Variants in DAO observed in about 807,000 individuals in gnomAD.
The protein encoded by DAO is D-amino-acid oxidase.
In DAO, 51 loss-of-function variants were observed where a neutral mutation model predicts 50.1. The ratio of observed to expected loss-of-function variants is 1.02; its 90% CI spans 0.81 to 1.29. The LOEUF (loss-of-function observed/expected upper bound fraction) is 1.29, where lower values mean the gene tolerates loss of function less well. Ranked by LOEUF, DAO falls within the 50% of genes most tolerant of loss-of-function variation. DAO has a pLI of 0.00. For missense variants in DAO, 436 were observed against 439.4 expected (o/e 0.99, Z 0.07); for synonymous variants, 160 against 166.2 (o/e 0.96, Z 0.29).
Position 108,900,560 on chromosome 12 carries a change from C to G in DAO, c.*25C>G. 7 of 1,612,982 alleles carry G rather than the reference C, an allele frequency of 4.3e-6. No homozygotes were observed. Among genetic ancestry groups the G allele is most frequent in the Non-Finnish European group, 5.9e-6 (7 of 1,179,440 alleles). ...AAGACTCCAGTGACTGCTGCCTCCC[C>G]CCACAAGAACTCCCTTCTCCCCTCA... On this transcript the variant is annotated 3_prime_UTR_variant, in exon 11 of 11. Coordinates refer to ENST00000228476, the MANE Select transcript of DAO (RefSeq NM_001917.5).
intron 8 of DAO, 198 bp from the exon 9 acceptor site, chr12:108,898,481 A>G: frequency 3.2e-6 from 2 of 629,810 alleles, no homozygotes; most frequent in Admixed American, 2.2e-5. Flanking sequence ...AGCAAAGACA[A>G]TGTTGTTGAT....
intron 1 of DAO, among the ~76,000 whole-genome samples, chr12:108,881,619 T>C (rs1027150710): frequency 8.6e-5 from 13 of 150,372 alleles, no homozygotes; most frequent in Non-Finnish European, 1.6e-4. Flanking sequence ...TTTTTTTTTT[T>C]TTTTGACAGA....
intron 8 of DAO, 88 bp from the exon 9 acceptor site, chr12:108,898,588 TAGC>T (rs2039587353): frequency 1.2e-6 from 1 of 869,450 alleles, no homozygotes. Flanking sequence ...GTGGTGGTGT[TAGC>T]AGAGGTGACA....
In DAO at chr12:108,880,226, T is replaced by G. The variant is rs770789581; in HGVS notation, c.-10+2T>G. On this transcript the variant is annotated splice_donor_variant, in intron 1 of 10. Coordinates refer to ENST00000228476, the MANE Select transcript of DAO (RefSeq NM_001917.5). LOFTEE classifies it low-confidence loss of function (5UTR_SPLICE). ...CTCTCCAGCAGTTTGGTACTTCCGG[T>G]GAGTGGCAGATGCACCTTTGAGCTG... 9.2e-6 allele frequency: 4 copies of G among 433,604 alleles called. No homozygotes were observed. The highest frequency in any genetic ancestry group is 1.9e-5 in the Non-Finnish European group (4 of 212,986). The allele number at this position is 433,604 out of a possible 1,614,324, so 26.9% of individuals were successfully genotyped here. A position where few individuals can be genotyped will look rare whatever the true frequency, so the allele number is the denominator to read the frequency against.
chr12:108,886,062 T>C (rs1158040800), intron 2 of DAO, among the ~76,000 whole-genome samples: 1 of 151,996 alleles, frequency 6.6e-6, no homozygotes, highest in South Asian at 2.1e-4. Context: ...AAATTTTATC[T>C]TTTTAAATAG....
chr12:108,883,677 G>A (rs1289283533), intron 1 of DAO: 1 of 456,492 alleles, frequency 2.2e-6, no homozygotes. Flanking sequence ...TGGGGGAAGA[G>A]GGAAGAGAGA....
chr12:108,880,639 C>G (rs1401361626), intron 1 of DAO, among the ~76,000 whole-genome samples: 1,759 of 152,136 alleles, frequency 0.012, 31 homozygotes, highest in African/African-American at 0.041. Context: ...CAAATAACTT[C>G]ATGAGAAGTA....
At chr12:108,888,951 T>C (rs931563598) in intron 3 of DAO, among the ~76,000 whole-genome samples, 2 of 152,232 alleles carry the variant, frequency 1.3e-5, no homozygotes, top group African/African-American at 2.4e-5. Flanking sequence ...AGACAAGTTA[T>C]TTAATCTTTC....
At chr12:108,885,752 T>C (rs1171848676) in intron 2 of DAO, among the ~76,000 whole-genome samples, 3 of 152,196 alleles carry the variant, frequency 2.0e-5, no homozygotes, top group African/African-American at 7.2e-5. Flanking sequence ...TTTTAATTTA[T>C]ACATTTTTAT....
intron 4 of DAO, 92 bp downstream of exon 4, chr12:108,889,637 C>A: frequency 1.0e-6 from 1 of 997,414 alleles, no homozygotes; most frequent in Non-Finnish European, 1.6e-6. Context: ...ACCAGATTTC[C>A]TGTCCTACCC....
chr12:108,898,272 G>A lies in DAO; in HGVS notation c.696-407G>A, dbSNP rs576276873. ...AGTGGGGATGGTAGCTGGTGCTGAT[G>A]GAAATGACACTATCAATGATGTTAA... On this transcript the variant is annotated intron_variant, in intron 8 of 10. Coordinates refer to ENST00000228476, the MANE Select transcript of DAO (RefSeq NM_001917.5). 1.2e-4 allele frequency among the ~76,000 whole-genome samples: 19 copies of A among 152,232 alleles called. No homozygotes were observed. In the South Asian group the frequency reaches 3.7e-3, roughly 30 times the overall value.
chr12:108,892,017 T>C (rs551111412), intron 5 of DAO, among the ~76,000 whole-genome samples: 1 of 152,224 alleles, frequency 6.6e-6, no homozygotes, highest in African/African-American at 2.4e-5. Context: ...TTGTCCAGTC[T>C]TTTCCAGGAA....
At chr12:108,895,394 T>A (rs964682260) in intron 7 of DAO, among the ~76,000 whole-genome samples, 6 of 146,674 alleles carry the variant, frequency 4.1e-5, no homozygotes, top group Admixed American at 6.8e-5. Context: ...TGTGTGCACA[T>A]ATGTGAGGGT....
intron 10 of DAO, 111 bp downstream of exon 10, chr12:108,899,586 G>C: frequency 1.1e-6 from 1 of 931,374 alleles, no homozygotes. Flanking sequence ...CTCCATAGCA[G>C]GCAGGGGCAG....
At chr12:108,894,124 CTGA>C in intron 6 of DAO, 136 bp from the exon 7 acceptor site, 1 of 683,918 alleles carries the variant, frequency 1.5e-6, no homozygotes, top group Non-Finnish European at 2.6e-6. Context: ...CCAGGCCCCT[CTGA>C]TTCCTCATTG....
chr12:108,887,070 C>T (rs978228168), intron 2 of DAO, among the ~76,000 whole-genome samples: 2 of 152,186 alleles, frequency 1.3e-5, no homozygotes, highest in Admixed American at 6.5e-5. Context: ...AGCGGCAAGT[C>T]GATGTCTGCC....
chr12:108,882,202 T>C (rs1012555093), intron 1 of DAO, among the ~76,000 whole-genome samples: 1 of 152,166 alleles, frequency 6.6e-6, no homozygotes, highest in Non-Finnish European at 1.5e-5. Flanking sequence ...CAAGGAGCTT[T>C]GTCAGCTCTC....
At position 108,885,138 on chromosome 12, in the gene DAO, C is replaced by T. The variant is rs779881826; in HGVS notation, c.132C>T (p.Thr44=). ...CGGACCGCTTCACCCCACTCACCAC[C>T]ACCGACGTGGCTGCCGGCCTCTGGC... The part of the protein sequence containing the change: ...VYADRFTPLT[T]TDVAAGLWQP... The change falls in exon 2 of 11, where the codon ACC becomes ACT. Residue 44 remains threonine (T), a synonymous_variant. Transcript: ENST00000228476. 1.1e-5 allele frequency: 17 copies of T among 1,613,408 alleles called. No individual in the cohort carries two copies. Among genetic ancestry groups the T allele is most frequent in the Non-Finnish European group, 1.4e-5 (17 of 1,179,414 alleles).
rs1333719922 is a variant in DAO at position 108,893,052 on chromosome 12, G to A, written c.507+16G>A. On this transcript the variant is annotated intron_variant, in intron 6 of 10. Coordinates refer to ENST00000228476, the MANE Select transcript of DAO (RefSeq NM_001917.5). ...TTTTGAGGAGGTGAGTTGCAGGGCTGATGCGGTGGATGGGGCAGGGAGAAG... is the reference window on the plus strand; with the variant it reads ...TTTTGAGGAGGTGAGTTGCAGGGCTAATGCGGTGGATGGGGCAGGGAGAAG... The A allele has an allele frequency of 6.2e-7, 1 of 1,611,742 alleles. No individual in the cohort carries two copies. The highest frequency in any genetic ancestry group is 1.7e-5 in the Admixed American group (1 of 59,958).
Sources: allele counts gnomAD v4.1 joint callset (sites outside exome capture counted in the v4.1 genomes callset), GRCh38; gene constraint gnomAD v4.1.1; transcripts MANE v1.5; gene names NCBI Gene and HGNC (gene_info 2026-07-23, HGNC 2026-07-21).